ARHGAP10: variants seen among roughly 807,000 people sequenced by gnomAD.
The protein encoded by ARHGAP10 is rho GTPase-activating protein 10.
In ARHGAP10, 87 loss-of-function variants were observed where a neutral mutation model predicts 108.6. The ratio of observed to expected loss-of-function variants is 0.80; its 90% confidence interval spans 0.67 to 0.96. The LOEUF (loss-of-function observed/expected upper bound fraction) is 0.96. Ranked by LOEUF, ARHGAP10 falls within the 40% of genes least tolerant of loss-of-function variation. The pLI, the probability that ARHGAP10 is intolerant of heterozygous loss-of-function variation, is 0.00. For missense variants in ARHGAP10, 939 were observed against 954.5 expected (o/e 0.98, Z 0.21); for synonymous variants, 347 against 341.1 (o/e 1.02, Z -0.19).
At chr4:147,902,811 C>T (rs1458114465) in intron 10 of ARHGAP10, among the ~76,000 whole-genome samples, 1 of 148,956 alleles carries the variant, frequency 6.7e-6, no homozygotes, top group Admixed American at 6.9e-5. Context: ...GAACAGGAGG[C>T]ATGGGTGGGG....
At chr4:147,748,373 A>G (rs1041652257) in intron 1 of ARHGAP10, among the ~76,000 whole-genome samples, 1 of 149,424 alleles carries the variant, frequency 6.7e-6, no homozygotes, top group African/African-American at 2.6e-5. Flanking sequence ...AACAAAGGGT[A>G]TAGAAACTAG....
intron 3 of ARHGAP10, among the ~76,000 whole-genome samples, chr4:147,841,312 A>G (rs1452914517): frequency 6.6e-6 from 1 of 152,258 alleles, no homozygotes; most frequent in African/African-American, 2.4e-5. Context: ...CAAGTATTTT[A>G]TAGGAATATG....
intron 3 of ARHGAP10, among the ~76,000 whole-genome samples, chr4:147,828,342 C>T (rs575925885): frequency 2.6e-5 from 4 of 152,296 alleles, no homozygotes; most frequent in Non-Finnish European, 5.9e-5. Context: ...TGTGTATGCT[C>T]AGCAATCCCT....
At chr4:147,827,289 T>C (rs1024711896) in intron 3 of ARHGAP10, among the ~76,000 whole-genome samples, 2 of 152,330 alleles carry the variant, frequency 1.3e-5, no homozygotes, top group Admixed American at 1.3e-4. Flanking sequence ...CCTGAAACTT[T>C]TGAGGAAGAA....
rs1464399334 is a variant in ARHGAP10, at chr4:147,853,129, C to T, written c.385-4424C>T. On this transcript the variant is annotated intron_variant, in intron 4 of 22. Coordinates refer to ENST00000336498, the MANE Select transcript of ARHGAP10 (RefSeq NM_024605.4). ...AGCAGCTCAGAGTGCAAGGTGGACA[C>T]CAGCCTTGGACAGGGCATGATCCCA... 3.3e-5 allele frequency among the ~76,000 whole-genome samples: 5 copies of T among 152,310 alleles called. No homozygotes were observed. In the East Asian group the frequency reaches 7.7e-4, roughly 23 times the overall value.
chr4:147,828,376 A>G (rs1285553224), intron 3 of ARHGAP10, among the ~76,000 whole-genome samples: 1 of 152,218 alleles, frequency 6.6e-6, no homozygotes, highest in African/African-American at 2.4e-5. Context: ...CACCAGTTAT[A>G]TAAGTTCATA....
intron 18 of ARHGAP10, among the ~76,000 whole-genome samples, chr4:148,005,813 G>A (rs1740923343): frequency 6.6e-6 from 1 of 152,208 alleles, no homozygotes; most frequent in African/African-American, 2.4e-5. Flanking sequence ...ATTTACATGT[G>A]TATGATCTAT....
Position 147,822,968 on chromosome 4 carries a change from AG to A in ARHGAP10, c.312+15del. On this transcript the variant is annotated intron_variant, in intron 3 of 22. Coordinates refer to ENST00000336498, the MANE Select transcript of ARHGAP10 (RefSeq NM_024605.4). ...CAGAGAGAAATTATGGTGAGTTGAG[AG>A]GGGTGTAAATTAATAAGTCAGCTTT... The A allele has an allele frequency of 6.2e-7, 1 of 1,609,150 alleles. No individual in the cohort carries two copies. The highest frequency in any genetic ancestry group is 8.5e-7 in the Non-Finnish European group (1 of 1,175,910).
At chr4:147,766,834 ATATATTTATT>A (rs1257807085) in intron 1 of ARHGAP10, among the ~76,000 whole-genome samples, 23 of 103,246 alleles carry the variant, frequency 2.2e-4, no homozygotes, top group African/African-American at 1.1e-3. Flanking sequence ...ATATATATAT[ATATATTTATT>A]TATTTATTTA....
chr4:147,951,248 ACTTTT>A (rs1470854176), intron 15 of ARHGAP10, among the ~76,000 whole-genome samples: 1 of 151,254 alleles, frequency 6.6e-6, no homozygotes, highest in Non-Finnish European at 1.5e-5. Context: ...CCTCGACCCC[ACTTTT>A]CTTTTTAGCA....
intron 3 of ARHGAP10, among the ~76,000 whole-genome samples, chr4:147,839,423 C>A (rs997241755): frequency 2.0e-5 from 3 of 152,090 alleles, no homozygotes; most frequent in Non-Finnish European, 4.4e-5. Context: ...TTCTGGGGAA[C>A]GGATGTAAAA....
intron 15 of ARHGAP10, among the ~76,000 whole-genome samples, chr4:147,949,912 C>T (rs1738531559): frequency 2.0e-5 from 3 of 152,006 alleles, no homozygotes; most frequent in African/African-American, 7.2e-5. Flanking sequence ...AAACTAGAGG[C>T]CCTTTTTATT....
chr4:147,908,915 A>G (rs921067420), intron 11 of ARHGAP10, among the ~76,000 whole-genome samples: 3 of 152,074 alleles, frequency 2.0e-5, no homozygotes, highest in Non-Finnish European at 4.4e-5. Context: ...TTTGTTATTT[A>G]TCTTTGCATC....
At chr4:147,860,645 TTC>T (rs1734276577) in intron 5 of ARHGAP10, among the ~76,000 whole-genome samples, 1 of 152,312 alleles carries the variant, frequency 6.6e-6, no homozygotes, top group Admixed American at 6.5e-5. Flanking sequence ...AAAATTCCAT[TTC>T]TGTTTATTTT....
rs555887592 is a variant in ARHGAP10 at position 148,037,026 on chromosome 4, G to A, written c.1868-9866G>A. ...ATAATCCAGCTAGGTGAGATAGGTGGTTTTTCTGTGTTCTTTGGTCATGAT... is the reference window on the plus strand; with the variant it reads ...ATAATCCAGCTAGGTGAGATAGGTGATTTTTCTGTGTTCTTTGGTCATGAT... On this transcript the variant is annotated intron_variant, in intron 19 of 22. Transcript: ENST00000336498. Among the ~76,000 whole-genome samples, 9 of 152,300 alleles carry A rather than the reference G, an allele frequency of 5.9e-5. No homozygotes were observed. In the South Asian group the frequency reaches 1.7e-3, roughly 28 times the overall value.
chr4:147,826,998 C>G (rs1732734877), intron 3 of ARHGAP10, among the ~76,000 whole-genome samples: 1 of 152,120 alleles, frequency 6.6e-6, no homozygotes, highest in Admixed American at 6.6e-5. Flanking sequence ...TCCCCATCCG[C>G]TTTTTTTCTC....
intron 3 of ARHGAP10, among the ~76,000 whole-genome samples, chr4:147,840,623 T>C (rs1429545976): frequency 2.0e-5 from 3 of 152,196 alleles, no homozygotes; most frequent in African/African-American, 7.2e-5. Context: ...TCCATTGGCT[T>C]ATGTTAAACT....
chr4:147,958,457 C>G (rs1380941657), intron 16 of ARHGAP10, among the ~76,000 whole-genome samples: 3 of 152,170 alleles, frequency 2.0e-5, no homozygotes, highest in Admixed American at 6.5e-5. Flanking sequence ...AGAAACATAA[C>G]TATAATCGGA....
At chr4:147,916,447 C>A (rs1736986554) in intron 13 of ARHGAP10, 1 of 152,158 alleles carries the variant, frequency 6.6e-6, no homozygotes, top group Admixed American at 6.5e-5. Context: ...GTAACTTTGT[C>A]CCATGGGTTG....
Sources: gnomAD v4.1 joint callset for allele counts (sites outside exome capture counted in the v4.1 genomes callset) on GRCh38, gnomAD v4.1.1 for gene constraint, MANE v1.5 for transcripts, NCBI Gene and HGNC (gene_info 2026-07-23, HGNC 2026-07-21) for gene names.